Variants in EPHA6 observed in about 807,000 individuals in gnomAD.
EPHA6 encodes ephrin type-A receptor 6.
A neutral mutation model predicts 112.0 loss-of-function variants in EPHA6; 50 were observed. The ratio of observed to expected loss-of-function variants is 0.45; its 90% CI spans 0.36 to 0.56. EPHA6 has a LOEUF of 0.56. EPHA6 is among the 20% of genes least tolerant of loss of function. EPHA6 has a pLI of 0.00. For synonymous variants in EPHA6, 529 were observed against 490.7 expected, an observed-to-expected ratio of 1.08 and a Z score of -1.03; for missense variants, 1,280 against 1,417.4, an observed-to-expected ratio of 0.90 and a Z score of 1.56.
intron 5 of EPHA6, among the ~76,000 whole-genome samples, chr3:97,331,675 C>G (rs1279916962): frequency 1.3e-5 from 2 of 152,126 alleles, no homozygotes; most frequent in African/African-American, 4.8e-5. Context: ...GACACATACC[C>G]CCTCCTGAGA....
intron 13 of EPHA6, among the ~76,000 whole-genome samples, chr3:97,631,178 G>A (rs146284509): frequency 1.1e-4 from 16 of 152,108 alleles, no homozygotes; most frequent in African/African-American, 3.9e-4. Flanking sequence ...AGATAATATG[G>A]GTGAGGATAT....
chr3:97,090,254 A>AT (rs1285236756), intron 3 of EPHA6, among the ~76,000 whole-genome samples: 2 of 152,050 alleles, frequency 1.3e-5, no homozygotes, highest in Non-Finnish European at 2.9e-5. Context: ...TTATTAGGTT[A>AT]TTTTGACAAG....
At chr3:96,891,360 G>T (rs1345691975) in intron 2 of EPHA6, among the ~76,000 whole-genome samples, 2 of 152,134 alleles carry the variant, frequency 1.3e-5, no homozygotes, top group South Asian at 2.1e-4. Flanking sequence ...GTGATTCCAC[G>T]TATGTAAAAT....
chr3:97,432,288 T>C (rs894463871), intron 6 of EPHA6, among the ~76,000 whole-genome samples: 38 of 152,142 alleles, frequency 2.5e-4, no homozygotes, highest in Non-Finnish European at 4.9e-4. Context: ...TACTTCTTAC[T>C]CAAAGTGACA....
At chr3:97,391,654 A>AT (rs1449941697) in intron 5 of EPHA6, among the ~76,000 whole-genome samples, 1 of 151,954 alleles carries the variant, frequency 6.6e-6, no homozygotes. Context: ...AGGGCAGTCA[A>AT]TTGCTGGATG....
chr3:97,339,031 T>A (rs2083186165), intron 5 of EPHA6, among the ~76,000 whole-genome samples: 1 of 152,216 alleles, frequency 6.6e-6, no homozygotes. Context: ...TCTTAAGTCA[T>A]CTCTGCTTAA....
At position 97,324,496 on chromosome 3, in the gene EPHA6, T is replaced by C. The variant is rs2082316820; in HGVS notation, c.1606+80209T>C. 6.5e-5 allele frequency among the ~76,000 whole-genome samples: 9 copies of C among 137,932 alleles called. No individual in the cohort carries two copies. The South Asian group carries it at 1.4e-3, about 21-fold the overall frequency. 90.5% of individuals were successfully genotyped at this position (137,932 alleles called of 152,430 possible). A position where few individuals can be genotyped will look rare whatever the true frequency, so the allele number is the denominator to read the frequency against. ...TTTTCTTTCGTCTCTTTCTCTTTCT[T>C]TCTTTCATCTCTTTCTCTTTCTTTC... On this transcript the variant is annotated intron_variant, in intron 5 of 17. Coordinates refer to ENST00000389672, the MANE Select transcript of EPHA6 (RefSeq NM_001080448.3).
At chr3:97,319,114 G>A (rs1033583198) in intron 5 of EPHA6, among the ~76,000 whole-genome samples, 1 of 151,212 alleles carries the variant, frequency 6.6e-6, no homozygotes, top group African/African-American at 2.4e-5. Context: ...CTTTTATCAT[G>A]AGAGACACTT....
intron 5 of EPHA6, among the ~76,000 whole-genome samples, chr3:97,328,054 C>CATATATATATATATATATAT (rs71286029): frequency 1.1e-4 from 13 of 120,918 alleles, no homozygotes; most frequent in African/African-American, 3.9e-4. Flanking sequence ...CATATATACA[C>CATATATATATATATATATAT]ATATATATAT....
At chr3:97,010,148 T>C (rs2044033931) in intron 3 of EPHA6, 1 of 1,181,516 alleles carries the variant, frequency 8.5e-7, no homozygotes, top group Non-Finnish European at 1.1e-6. Flanking sequence ...GTTTTGTTTT[T>C]ATTTTGTTGT....
At chr3:97,288,547 G>C (rs1399518767) in intron 5 of EPHA6, among the ~76,000 whole-genome samples, 1 of 152,124 alleles carries the variant, frequency 6.6e-6, no homozygotes, top group Non-Finnish European at 1.5e-5. Flanking sequence ...ATGAACATGT[G>C]AGTGCATGTA....
chr3:97,143,246 G>C (rs2075955468), intron 3 of EPHA6, among the ~76,000 whole-genome samples: 5 of 151,640 alleles, frequency 3.3e-5, no homozygotes, highest in Admixed American at 3.3e-4. Flanking sequence ...CTGTTTGAGT[G>C]ATGGGCACCT....
At chr3:97,396,569 T>A (rs894294013) in intron 5 of EPHA6, among the ~76,000 whole-genome samples, 2 of 151,646 alleles carry the variant, frequency 1.3e-5, no homozygotes, top group Admixed American at 1.3e-4. Context: ...TTTGAACTCA[T>A]TACACTAAAT....
At chr3:97,299,957 A>C (rs1473485142) in intron 5 of EPHA6, among the ~76,000 whole-genome samples, 1 of 152,142 alleles carries the variant, frequency 6.6e-6, no homozygotes, top group Non-Finnish European at 1.5e-5. Context: ...TTTATTTGCC[A>C]CCTGTTTCAT....
chr3:97,293,889 G>A (rs1207186194), intron 5 of EPHA6, among the ~76,000 whole-genome samples: 1 of 152,238 alleles, frequency 6.6e-6, no homozygotes, highest in Non-Finnish European at 1.5e-5. Context: ...AGCCTCCCCG[G>A]CCTGCCTCCC....
intron 5 of EPHA6, among the ~76,000 whole-genome samples, chr3:97,261,076 A>G (rs1299620978): frequency 6.6e-6 from 1 of 152,236 alleles, no homozygotes. Context: ...GAAGGGCATC[A>G]TAAAGCTGTG....
At chr3:96,938,542 T>C (rs2107678069) in intron 2 of EPHA6, among the ~76,000 whole-genome samples, 1 of 152,334 alleles carries the variant, frequency 6.6e-6, no homozygotes, top group Non-Finnish European at 1.5e-5. Context: ...TATACAATCA[T>C]GTCATCTGCA....
intron 5 of EPHA6, among the ~76,000 whole-genome samples, chr3:97,342,806 C>T (rs1357087391): frequency 5.3e-5 from 8 of 152,102 alleles, no homozygotes; most frequent in Admixed American, 2.0e-4. Context: ...ACCCAGTCTC[C>T]GTATCTATGA....
intron 2 of EPHA6, among the ~76,000 whole-genome samples, chr3:96,920,853 G>T (rs576601022): frequency 5.9e-5 from 9 of 151,978 alleles, no homozygotes; most frequent in Non-Finnish European, 1.3e-4. Context: ...TTATAGAATA[G>T]AAATAATTTG....
Sources: allele counts gnomAD v4.1 joint callset (sites outside exome capture counted in the v4.1 genomes callset), GRCh38; gene constraint gnomAD v4.1.1; transcripts MANE v1.5; gene names NCBI Gene and HGNC (gene_info 2026-07-23, HGNC 2026-07-21).